The following CACNA1B variants were observed in gnomAD, a reference collection of about 807,000 sequenced individuals.
The protein encoded by CACNA1B is calcium voltage-gated channel subunit alpha1 B.
A neutral mutation model predicts 247.2 loss-of-function variants in CACNA1B; 70 were observed. That is an observed-to-expected ratio of 0.28 (90% CI 0.23 to 0.35). The LOEUF is 0.35. Ranked by LOEUF, CACNA1B falls within the 10% of genes least tolerant of loss-of-function variation. The probability of loss-of-function intolerance (pLI) is 1.00; values close to 1 mark genes in which losing one functional copy is unlikely to be tolerated. For missense variants in CACNA1B, 2,367 were observed against 3,197.4 expected, an observed-to-expected ratio of 0.74 and a Z score of 6.26; for synonymous variants, 1,231 against 1,294.4, an observed-to-expected ratio of 0.95 and a Z score of 1.05.
In CACNA1B at chr9:138,049,302, G is replaced by C. The variant is rs978075241; in HGVS notation, c.3697G>C (p.Ala1233Pro). 1 of 1,608,898 alleles carries C rather than the reference G, an allele frequency of 6.2e-7. No homozygotes were observed. Among genetic ancestry groups the C allele is most frequent in the South Asian group, 1.1e-5 (1 of 90,964 alleles). Residue 1233 changes from alanine (A) to proline (P), a missense_variant, in exon 24 of 47, where the codon GCG becomes CCG. Physicochemically the swap from Ala to Pro is conservative, Grantham distance 27 (BLOSUM62 -1). Coordinates refer to ENST00000371372, the MANE Select transcript of CACNA1B (RefSeq NM_000718.4). ...DFIVVSGALV[A>P]FAFSGSKGKD... ...CATTGTGGTCAGTGGCGCCCTGGTG[G>C]CGTTTGCTTTCTCGTAAGTAACGTT...
At position 138,096,622 on chromosome 9, in the gene CACNA1B, C is replaced by A; in HGVS notation, c.5222+11C>A. The A allele has an allele frequency of 6.2e-7, 1 of 1,609,626 alleles. No individual in the cohort carries two copies. Among genetic ancestry groups the A allele is most frequent in the South Asian group, 1.1e-5 (1 of 90,486 alleles). ...CGACCCGGCTGCGTGGTAAGTGAGC[C>A]GTGGTGCTCTGTGGTCCTTGGGGGT... On this transcript the variant is annotated intron_variant, in intron 37 of 46. Coordinates refer to ENST00000371372, the MANE Select transcript of CACNA1B (RefSeq NM_000718.4).
At chr9:138,042,314 T>A (rs1054560097) in intron 20 of CACNA1B, among the ~76,000 whole-genome samples, 2 of 152,154 alleles carry the variant, frequency 1.3e-5, no homozygotes, top group Non-Finnish European at 2.9e-5. Context: ...GCTGGGTGTG[T>A]TGGCGTGCGC....
At position 137,974,936 on chromosome 9, in the gene CACNA1B, C is replaced by T. The variant is rs1293498194; in HGVS notation, c.1544-971C>T. 6.6e-6 allele frequency among the ~76,000 whole-genome samples: 1 copy of T among 152,206 alleles called. No homozygotes were observed. Among genetic ancestry groups the T allele is most frequent in the East Asian group, 1.9e-4 (1 of 5,180 alleles). ...ACTGTGAGAAGTTTAAGAGCCAATC[C>T]CTGCCCAACCCTTTGGGAGGAGAGT... On this transcript the variant is annotated intron_variant, in intron 11 of 46. Transcript: ENST00000371372. The surrounding 1 kb of genome is among the most constrained non-coding windows in gnomAD (Gnocchi z 4.5).
rs1023489459 is a variant in CACNA1B at position 137,957,843 on chromosome 9, C to A, written c.1333+156C>A. 6.6e-6 allele frequency among the ~76,000 whole-genome samples: 1 copy of A among 152,166 alleles called. No individual in the cohort carries two copies. Among genetic ancestry groups the A allele is most frequent in the African/African-American group, 2.4e-5 (1 of 41,426 alleles). ...CAGTTTGCTGCTCCTGGCTTTGTGA[C>A]CCCCATGTGGACATAGGGCCCTTAG... On this transcript the variant is annotated intron_variant, in intron 10 of 46. Coordinates refer to ENST00000371372, the MANE Select transcript of CACNA1B (RefSeq NM_000718.4). This position sits in a 1 kb window ranked among gnomAD's most constrained non-coding sequence, Gnocchi z 4.7.
At position 138,010,349 on chromosome 9, in the gene CACNA1B, G is replaced by A. The variant is rs1328698522; in HGVS notation, c.2160+272G>A. Among the ~76,000 whole-genome samples the A allele has an allele frequency of 6.6e-6, 1 of 152,198 alleles. No individual in the cohort carries two copies. The highest frequency in any genetic ancestry group is 1.9e-4 in the East Asian group (1 of 5,200). ...ACGGCAGGGTGTGCTGGGAGCAGGA[G>A]GGGCCTGAGCAGGAGGAGCAGCTGG... On this transcript the variant is annotated intron_variant, in intron 17 of 46. Coordinates refer to ENST00000371372, the MANE Select transcript of CACNA1B (RefSeq NM_000718.4). The surrounding 1 kb of genome is among the most constrained non-coding windows in gnomAD (Gnocchi z 5.3).
At position 137,975,996 on chromosome 9, in the gene CACNA1B, T is replaced by C. The variant is rs1958215503; in HGVS notation, c.1633T>C (p.Ser545Pro). 2 of 1,610,900 alleles carry C rather than the reference T, an allele frequency of 1.2e-6. No homozygotes were observed. The highest frequency in any genetic ancestry group is 1.3e-5 in the African/African-American group (1 of 74,870). Reference protein sequence around the residue: ...GLGPRSYFRSSFNCFDFGVIV... With the variant: ...GLGPRSYFRSPFNCFDFGVIV... The stretch of plus-strand genomic sequence containing the variant: ...GGGGCCCAGAAGCTACTTCCGGTCC[T>C]CCTTCAACTGCTTCGACTTTGGGGT... Residue 545 changes from serine to proline, a missense_variant, in exon 12 of 47, where the codon TCC becomes CCC. Physicochemically the swap from Ser to Pro is moderately conservative, Grantham distance 74. Coordinates refer to ENST00000371372, the MANE Select transcript of CACNA1B (RefSeq NM_000718.4).
intron 44 of CACNA1B, 78 bp from the exon 45 acceptor site, chr9:138,120,083 TGCTC>T: frequency 8.2e-7 from 1 of 1,217,300 alleles, no homozygotes; most frequent in South Asian, 1.4e-5. Context: ...CTGTCTGGCC[TGCTC>T]CACCACCCAC....
Position 138,025,207 on chromosome 9 carries a change from A to G in CACNA1B, c.3286+35A>G, listed in dbSNP as rs201278186. 116 of 1,458,106 alleles carry G rather than the reference A, an allele frequency of 8.0e-5. 1 individual carries two copies. The East Asian group carries it at 8.9e-4, about 11-fold the overall frequency. 90.3% of individuals were successfully genotyped at this position (1,458,106 alleles called of 1,614,324 possible). On this transcript the variant is annotated intron_variant, in intron 20 of 46. Transcript: ENST00000371372. ...TCCCTGTGCCAGTGGGGCAGGGCCC[A>G]TCTTGTGCAGGTCCAGCAACCCCCA...
At position 137,923,342 on chromosome 9, in the gene CACNA1B, G is replaced by T. The variant is rs1439089704; in HGVS notation, c.966+5911G>T. Among the ~76,000 whole-genome samples the T allele has an allele frequency of 5.8e-3, 859 of 147,910 alleles. 35 individuals are homozygous for T. Among genetic ancestry groups the T allele is most frequent in the African/African-American group, 0.021 (819 of 39,234 alleles). ...GTGGCTCCAGGTGGTATTCCGTGGT[G>T]CCAGGTAGTATTCCGTGGCTCCAGG... On this transcript the variant is annotated intron_variant, in intron 6 of 46. Coordinates refer to ENST00000371372, the MANE Select transcript of CACNA1B (RefSeq NM_000718.4).
chr9:138,121,438 C>CT lies in CACNA1B; in HGVS notation c.6490-30dup. The CT allele has an allele frequency of 8.9e-7, 1 of 1,125,146 alleles. No individual in the cohort carries two copies. Among genetic ancestry groups the CT allele is most frequent in the Non-Finnish European group, 1.2e-6 (1 of 828,212 alleles). 69.7% of individuals were successfully genotyped at this position (1,125,146 alleles called of 1,614,324 possible). ...TCGGCTTTTTTTTTTTTTTTTTTAC[C>CT]TCTGATTTGTTCTGGTCCATTTTCA... On this transcript the variant is annotated intron_variant, in intron 46 of 46. Transcript: ENST00000371372. This position sits in a 1 kb window ranked among gnomAD's most constrained non-coding sequence, Gnocchi z 6.8.
intron 20 of CACNA1B, among the ~76,000 whole-genome samples, chr9:138,041,165 A>C (rs1959115804): frequency 6.6e-6 from 1 of 152,204 alleles, no homozygotes; most frequent in Non-Finnish European, 1.5e-5. Context: ...AGGTGCTGCC[A>C]GTCCAGGCTT....
Position 138,023,532 on chromosome 9 carries a change from G to T in CACNA1B, c.2789G>T (p.Arg930Leu), listed in dbSNP as rs1301722476. The T allele has an allele frequency of 6.5e-6, 7 of 1,079,736 alleles. No individual in the cohort carries two copies. The highest frequency in any genetic ancestry group is 3.1e-5 in the South Asian group (1 of 32,098). 66.9% of individuals were successfully genotyped at this position (1,079,736 alleles called of 1,614,324 possible). Residue 930 changes from arginine (R) to leucine (L), a missense_variant, in exon 19 of 47, where the codon CGG becomes CTG. Arg to Leu is a moderately radical substitution (Grantham distance 102). Transcript: ENST00000371372. ...GGCTCCCCGGAGGAGGCGGCCGAGC[G>T]GGAGCCCCGACGCCACCGCGCGCAC... ...RRGSPEEAAE[R>L]EPRRHRAHRH...
intron 6 of CACNA1B, among the ~76,000 whole-genome samples, chr9:137,935,258 C>G (rs890399175): frequency 2.0e-5 from 3 of 152,108 alleles, no homozygotes; most frequent in Non-Finnish European, 4.4e-5. Flanking sequence ...CCCCATACCC[C>G]CCACCCCATG....
chr9:137,908,542 A>C (rs1278315847), intron 3 of CACNA1B, among the ~76,000 whole-genome samples: 3 of 152,130 alleles, frequency 2.0e-5, no homozygotes, highest in Non-Finnish European at 2.9e-5. Flanking sequence ...AACAAACAAA[A>C]AAAACCTTTA....
In CACNA1B at chr9:138,020,751, C is replaced by T. The variant is rs1958835208; in HGVS notation, c.2268-2260C>T. On this transcript the variant is annotated intron_variant, in intron 18 of 46. Coordinates refer to ENST00000371372, the MANE Select transcript of CACNA1B (RefSeq NM_000718.4). This position sits in a 1 kb window ranked among gnomAD's most constrained non-coding sequence, Gnocchi z 4.1. Reference sequence around the variant, plus strand: ...ACGGGGGAGCCTGCCAGCCTGACAGCGCCCTCAGCCCAGCAGACAGCCTGG... The same window carrying T: ...ACGGGGGAGCCTGCCAGCCTGACAGTGCCCTCAGCCCAGCAGACAGCCTGG... Among the ~76,000 whole-genome samples the T allele has an allele frequency of 6.6e-6, 1 of 152,196 alleles. No homozygotes were observed. Among genetic ancestry groups the T allele is most frequent in the African/African-American group, 2.4e-5 (1 of 41,456 alleles).
rs573821152 is a variant in CACNA1B at position 138,087,499 on chromosome 9, G to A, written c.5095-8985G>A. On this transcript the variant is annotated intron_variant, in intron 36 of 46. Transcript: ENST00000371372. The stretch of plus-strand genomic sequence containing the variant: ...TGGGAGGCCGAGGTGGGTGGATCAC[G>A]AGGTCAAGAGATCGACACCATCCTG... 3.2e-4 allele frequency among the ~76,000 whole-genome samples: 46 copies of A among 144,398 alleles called. 2 individuals are homozygous for A. Among genetic ancestry groups the A allele is most frequent in the Middle Eastern group, 3.5e-3 (1 of 288 alleles). The allele number at this position is 144,398 out of a possible 152,430, so 94.7% of individuals were successfully genotyped here.
rs528037101 is a variant in CACNA1B at position 137,914,199 on chromosome 9, G to A, written c.623-455G>A. Among the ~76,000 whole-genome samples the A allele has an allele frequency of 6.6e-6, 1 of 151,938 alleles. No homozygotes were observed. Among genetic ancestry groups the A allele is most frequent in the African/African-American group, 2.4e-5 (1 of 41,434 alleles). On this transcript the variant is annotated intron_variant, in intron 4 of 46. Transcript: ENST00000371372. This position sits in a 1 kb window ranked among gnomAD's most constrained non-coding sequence, Gnocchi z 4.3. ...CTGCTCCTTCCTCCCAGGATCCCCT[G>A]CCCTTAGCTCCCAGCATTCTCTGCT...
At chr9:138,095,369 T>G (rs1009735963) in intron 36 of CACNA1B, among the ~76,000 whole-genome samples, 1 of 152,222 alleles carries the variant, frequency 6.6e-6, no homozygotes, top group African/African-American at 2.4e-5. Context: ...TTCAACATCT[T>G]TGGTCATCAA....
intron 34 of CACNA1B, among the ~76,000 whole-genome samples, chr9:138,075,160 C>A (rs989722593): frequency 6.6e-6 from 1 of 152,206 alleles, no homozygotes; most frequent in Admixed American, 6.5e-5. Flanking sequence ...AAACTGATTT[C>A]TAAACTCTAT....
Sources: allele counts gnomAD v4.1 joint callset (sites outside exome capture counted in the v4.1 genomes callset), GRCh38; gene constraint gnomAD v4.1.1; non-coding constraint Gnocchi (gnomAD v3.1); transcripts MANE v1.5; gene names NCBI Gene and HGNC (gene_info 2026-07-23, HGNC 2026-07-21).